Variants in OR10H3 observed in about 807,000 individuals in gnomAD.
The protein encoded by OR10H3 is olfactory receptor 10H3.
A neutral mutation model predicts 11.1 loss-of-function variants in OR10H3; 15 were observed. That is an observed-to-expected ratio of 1.36 (90% CI 0.91 to 2.09). The LOEUF (loss-of-function observed/expected upper bound fraction) is 2.09, where lower values mean the gene tolerates loss of function less well. OR10H3 is among the 30% of genes most tolerant of loss of function. The pLI, the probability that OR10H3 is intolerant of heterozygous loss-of-function variation, is 0.00. For synonymous variants in OR10H3, 149 were observed against 142.1 expected, an observed-to-expected ratio of 1.05 and a Z score of -0.35; for missense variants, 403 against 391.5, an observed-to-expected ratio of 1.03 and a Z score of -0.25.
chr19:15,740,091 C>A (rs201952314), intron 1 of OR10H3, among the ~76,000 whole-genome samples: 1,392 of 123,780 alleles, frequency 0.011, no homozygotes, highest in Middle Eastern at 0.013. Flanking sequence ...CCTGTCTCTA[C>A]AAAAAAAAAA....
At chr19:15,739,381 T>C (rs2008672977) in intron 1 of OR10H3, among the ~76,000 whole-genome samples, 1 of 152,186 alleles carries the variant, frequency 6.6e-6, no homozygotes, top group Non-Finnish European at 1.5e-5. Context: ...CTGAACTCTG[T>C]TAAAATTTCT....
At position 15,741,431 on chromosome 19, in the gene OR10H3, C is replaced by T. The variant is rs1287857677; in HGVS notation, c.39C>T (p.Ile13=). 1 of 1,613,968 alleles carries T rather than the reference C, an allele frequency of 6.2e-7. No individual in the cohort carries two copies. Among genetic ancestry groups the T allele is most frequent in the East Asian group, 2.2e-5 (1 of 44,886 alleles). ...GQNYRTISEF[I]LSGFSAFPQQ... Reference sequence around the variant, plus strand: ...ACTACAGAACCATATCTGAATTTATCCTCTCTGGCTTCTCAGCCTTCCCCC... The same window carrying T: ...ACTACAGAACCATATCTGAATTTATTCTCTCTGGCTTCTCAGCCTTCCCCC... The change falls in exon 2 of 2, where the codon ATC becomes ATT. Residue 13 remains isoleucine (I), a synonymous_variant. Coordinates refer to ENST00000641646, the MANE Select transcript of OR10H3 (RefSeq NM_013938.2).
rs147958695 is a variant in OR10H3 at position 15,742,315 on chromosome 19, G to T, written c.923G>T (p.Cys308Phe). 14 of 1,613,672 alleles carry T rather than the reference G, an allele frequency of 8.7e-6. No individual in the cohort carries two copies. Among genetic ancestry groups the T allele is most frequent in the Non-Finnish European group, 1.2e-5 (14 of 1,179,884 alleles). The part of the protein sequence containing the change: ...ELKNAINKNF[C>F]RRFCPLSS ...AAGAATGCCATAAATAAAAACTTTT[G>T]CAGAAGGTTCTGCCCTCTAAGCTCC... Residue 308 changes from cysteine to phenylalanine, a missense_variant, in exon 2 of 2, where the codon TGC becomes TTC. Physicochemically the swap from Cys to Phe is radical, Grantham distance 205. Coordinates refer to ENST00000641646, the MANE Select transcript of OR10H3 (RefSeq NM_013938.2).
At chr19:15,740,990 A>G (rs1224219515) in intron 1 of OR10H3, among the ~76,000 whole-genome samples, 3 of 152,180 alleles carry the variant, frequency 2.0e-5, no homozygotes, top group Non-Finnish European at 4.4e-5. Flanking sequence ...AAAGACAAAG[A>G]CTCTTGGGGA....
chr19:15,739,227 C>A (rs2008671263), intron 1 of OR10H3, among the ~76,000 whole-genome samples: 2 of 151,868 alleles, frequency 1.3e-5, no homozygotes, highest in Admixed American at 1.3e-4. Flanking sequence ...TTTTTATATT[C>A]TAATGAAATG....
Position 15,741,628 on chromosome 19 carries a change from C to T in OR10H3, c.236C>T (p.Thr79Ile), listed in dbSNP as rs1253266504. The T allele has an allele frequency of 1.2e-6, 2 of 1,614,112 alleles. No individual in the cohort carries two copies. The highest frequency in any genetic ancestry group is 2.7e-5 in the African/African-American group (2 of 74,926). Residue 79 changes from threonine to isoleucine, a missense_variant, in exon 2 of 2, where the codon ACC becomes ATC. Coordinates refer to ENST00000641646, the MANE Select transcript of OR10H3 (RefSeq NM_013938.2). Reference protein sequence around the residue: ...ISEILFTVAITPRMLADLLFT... With the variant: ...ISEILFTVAIIPRMLADLLFT... Reference sequence around the variant, plus strand: ...GAGATTCTGTTCACTGTTGCCATCACCCCTCGCATGCTGGCTGATCTGCTC... The same window carrying T: ...GAGATTCTGTTCACTGTTGCCATCATCCCTCGCATGCTGGCTGATCTGCTC...
Position 15,740,639 on chromosome 19 carries a change from T to C in OR10H3, c.-11-743T>C, listed in dbSNP as rs182950934. ...CTTTTAATATTATCCCATTACTTAG[T>C]GAAAATTTCATTTTACACTGGTAGA... On this transcript the variant is annotated intron_variant, in intron 1 of 1. Transcript: ENST00000641646. 1.9e-3 allele frequency among the ~76,000 whole-genome samples: 288 copies of C among 152,350 alleles called. 1 individual carries two copies. The highest frequency in any genetic ancestry group is 6.8e-3 in the African/African-American group (281 of 41,574).
intron 1 of OR10H3, among the ~76,000 whole-genome samples, chr19:15,739,616 G>A (rs1317187268): frequency 6.6e-6 from 1 of 152,048 alleles, no homozygotes; most frequent in Non-Finnish European, 1.5e-5. Flanking sequence ...AGTTGAACCT[G>A]GGAAGGGGAG....
rs2008696230 is a variant in OR10H3, at chr19:15,741,460, A to G, written c.68A>G (p.Gln23Arg). 1.2e-6 allele frequency: 2 copies of G among 1,614,186 alleles called. No homozygotes were observed. The highest frequency in any genetic ancestry group is 1.6e-4 in the Middle Eastern group (1 of 6,062). Reference sequence around the variant, plus strand: ...TCTGGCTTCTCAGCCTTCCCCCAGCAGCTCCTGCCTGTCTTGTTCCTGCTG... The same window carrying G: ...TCTGGCTTCTCAGCCTTCCCCCAGCGGCTCCTGCCTGTCTTGTTCCTGCTG... ...ILSGFSAFPQ[Q>R]LLPVLFLLYL... Residue 23 changes from glutamine (Q) to arginine (R), a missense_variant, in exon 2 of 2, where the codon CAG becomes CGG. Transcript: ENST00000641646.
In OR10H3 at chr19:15,742,147, T is replaced by C. The variant is rs767210193; in HGVS notation, c.755T>C (p.Met252Thr). 9 of 1,614,070 alleles carry C rather than the reference T, an allele frequency of 5.6e-6. No individual in the cohort carries two copies. Among genetic ancestry groups the C allele is most frequent in the Non-Finnish European group, 6.8e-6 (8 of 1,180,040 alleles). ...TCVSHLTVVV[M>T]HYSFASLIYL... Reference sequence around the variant, plus strand: ...GTATCCCACCTCACTGTGGTGGTCATGCACTATAGTTTTGCCTCCCTTATC... The same window carrying C: ...GTATCCCACCTCACTGTGGTGGTCACGCACTATAGTTTTGCCTCCCTTATC... The change falls in exon 2 of 2, where the codon ATG (methionine) becomes ACG (threonine). Residue 252 changes from methionine (M) to threonine (T), a missense_variant. Physicochemically the swap from Met to Thr is moderately conservative, Grantham distance 81 (BLOSUM62 -1). Coordinates refer to ENST00000641646, the MANE Select transcript of OR10H3 (RefSeq NM_013938.2).
chr19:15,738,622 T>G (rs548655830), intron 1 of OR10H3, among the ~76,000 whole-genome samples: 93 of 152,196 alleles, frequency 6.1e-4, no homozygotes, highest in South Asian at 5.0e-3. Flanking sequence ...TTACCGCACT[T>G]TAATAAAACC....
rs554109535 is a variant in OR10H3 at position 15,740,063 on chromosome 19, T to C, written c.-11-1319T>C. 4.3e-5 allele frequency among the ~76,000 whole-genome samples: 6 copies of C among 140,714 alleles called. No individual in the cohort carries two copies. The Admixed American group carries it at 4.5e-4, about 11-fold the overall frequency. The allele number at this position is 140,714 out of a possible 152,430, so 92.3% of individuals were successfully genotyped here. A position where few individuals can be genotyped will look rare whatever the true frequency, so the allele number is the denominator to read the frequency against. On this transcript the variant is annotated intron_variant, in intron 1 of 1. Transcript: ENST00000641646. ...TGAGGCCAGGAATTAGAGACCAGTT[T>C]GGGCAACAAAGCAAAGCCCTGTCTC...
At position 15,741,499 on chromosome 19, in the gene OR10H3, T is replaced by A. The variant is rs116203936; in HGVS notation, c.107T>A (p.Phe36Tyr). ...TTGTTCCTGCTGTACCTCCTGATGT[T>A]CCTGTTCACATTGCTTGGCAACCTT... ...PVLFLLYLLMFLFTLLGNLLI... is the reference protein window; with the variant it reads ...PVLFLLYLLMYLFTLLGNLLI... The change falls in exon 2 of 2, where the codon TTC becomes TAC. Residue 36 changes from phenylalanine to tyrosine, a missense_variant. Physicochemically the swap from Phe to Tyr is conservative, Grantham distance 22. Transcript: ENST00000641646. The A allele has an allele frequency of 4.7e-4, 766 of 1,614,202 alleles. 5 individuals carry two copies. In the African/African-American group the frequency reaches 9.3e-3, roughly 20 times the overall value.
At position 15,741,545 on chromosome 19, in the gene OR10H3, G is replaced by A. The variant is rs981927763; in HGVS notation, c.153G>A (p.Trp51Ter). 1.9e-6 allele frequency: 3 copies of A among 1,614,034 alleles called. No individual in the cohort carries two copies. The highest frequency in any genetic ancestry group is 2.5e-6 in the Non-Finnish European group (3 of 1,180,022). Residue 51 changes from tryptophan (W) to a stop codon, truncating the protein, a stop_gained, in exon 2 of 2, where the codon TGG becomes TGA. Transcript: ENST00000641646. LOFTEE classifies it high-confidence loss of function. ...LGNLLIMATV[W>*]IERRLHTPMY... ...ACCTTCTTATCATGGCCACAGTTTGGATTGAACGCAGACTCCACACACCCA... is the reference window on the plus strand; with the variant it reads ...ACCTTCTTATCATGGCCACAGTTTGAATTGAACGCAGACTCCACACACCCA...
In OR10H3 at chr19:15,741,627, A is replaced by AC; in HGVS notation, c.239dup (p.Arg81SerfsTer5). On this transcript the variant is annotated frameshift_variant, in exon 2 of 2. Coordinates refer to ENST00000641646, the MANE Select transcript of OR10H3 (RefSeq NM_013938.2). LOFTEE classifies it high-confidence loss of function. ...TGAGATTCTGTTCACTGTTGCCATC[A>AC]CCCCTCGCATGCTGGCTGATCTGCT... 6.2e-7 allele frequency: 1 copy of AC among 1,613,882 alleles called. No homozygotes were observed. Among genetic ancestry groups the AC allele is most frequent in the Non-Finnish European group, 8.5e-7 (1 of 1,179,962 alleles).
chr19:15,739,521 C>A (rs1393565486), intron 1 of OR10H3, among the ~76,000 whole-genome samples: 1 of 151,730 alleles, frequency 6.6e-6, no homozygotes, highest in East Asian at 1.9e-4. Flanking sequence ...TGAAACCCTG[C>A]CTCTACTAAA....
rs767210193 is a variant in OR10H3, at chr19:15,742,147, T to G, written c.755T>G (p.Met252Arg). ...GTATCCCACCTCACTGTGGTGGTCA[T>G]GCACTATAGTTTTGCCTCCCTTATC... is the stretch of plus-strand genomic sequence containing the variant. Reference protein sequence around the residue: ...TCVSHLTVVVMHYSFASLIYL... With the variant: ...TCVSHLTVVVRHYSFASLIYL... The change falls in exon 2 of 2, where the codon ATG becomes AGG. Residue 252 changes from methionine (M) to arginine (R), a missense_variant. Coordinates refer to ENST00000641646, the MANE Select transcript of OR10H3 (RefSeq NM_013938.2). 6.2e-7 allele frequency: 1 copy of G among 1,614,188 alleles called. No individual in the cohort carries two copies. The highest frequency in any genetic ancestry group is 8.5e-7 in the Non-Finnish European group (1 of 1,180,032).
chr19:15,741,412 G>A lies in OR10H3; in HGVS notation c.20G>A (p.Arg7Lys), dbSNP rs1467603277. MPGQNY[R>K]TISEFILSGF... ...GTATCCATGCCTGGTCAGAACTACAGAACCATATCTGAATTTATCCTCTCT... is the reference window on the plus strand; with the variant it reads ...GTATCCATGCCTGGTCAGAACTACAAAACCATATCTGAATTTATCCTCTCT... The change falls in exon 2 of 2, where the codon AGA becomes AAA. Residue 7 changes from arginine (R) to lysine (K), a missense_variant. Coordinates refer to ENST00000641646, the MANE Select transcript of OR10H3 (RefSeq NM_013938.2). The A allele has an allele frequency of 6.2e-7, 1 of 1,613,104 alleles. No individual in the cohort carries two copies. The highest frequency in any genetic ancestry group is 1.1e-5 in the South Asian group (1 of 91,038).
rs1414855610 is a variant in OR10H3, at chr19:15,741,446, A to T, written c.54A>T (p.Ser18=). Residue 18 remains serine, a synonymous_variant, in exon 2 of 2, where the codon TCA becomes TCT. Transcript: ENST00000641646. ...TISEFILSGF[S]AFPQQLLPVL... is the part of the protein sequence containing the mutation. The stretch of plus-strand genomic sequence containing the variant: ...CTGAATTTATCCTCTCTGGCTTCTC[A>T]GCCTTCCCCCAGCAGCTCCTGCCTG... 1 of 1,614,040 alleles carries T rather than the reference A, an allele frequency of 6.2e-7. No individual in the cohort carries two copies. The highest frequency in any genetic ancestry group is 1.3e-5 in the African/African-American group (1 of 74,900).
Sources: gnomAD v4.1 joint callset for allele counts (sites outside exome capture counted in the v4.1 genomes callset) on GRCh38, gnomAD v4.1.1 for gene constraint, MANE v1.5 for transcripts, NCBI Gene and HGNC (gene_info 2026-07-23, HGNC 2026-07-21) for gene names.